CBFA2T3: variants seen among roughly 807,000 people sequenced by gnomAD.
CBFA2T3 encodes the protein CBFA2/RUNX1 partner transcriptional co-repressor 3.
Under a neutral mutation model 58.6 loss-of-function variants are expected in CBFA2T3, and 31 were observed. That is an observed-to-expected ratio of 0.53 (90% CI 0.40 to 0.71). The LOEUF is 0.71. Ranked by LOEUF, CBFA2T3 falls within the 30% of genes least tolerant of loss-of-function variation. CBFA2T3 has a pLI of 0.00. For missense variants in CBFA2T3, 1,076 were observed against 963.1 expected (o/e 1.12, Z -1.55); for synonymous variants, 531 against 421.9 (o/e 1.26, Z -3.17).
intron 1 of CBFA2T3, among the ~76,000 whole-genome samples, chr16:88,968,416 G>A (rs1972567401): frequency 6.6e-6 from 1 of 152,248 alleles, no homozygotes; most frequent in African/African-American, 2.4e-5. Context: ...AGGGGCCGCA[G>A]GACAAGCCTC....
intron 1 of CBFA2T3, among the ~76,000 whole-genome samples, chr16:88,926,518 G>A (rs1037976534): frequency 6.6e-6 from 1 of 152,184 alleles, no homozygotes; most frequent in African/African-American, 2.4e-5. Context: ...TCACCAGGCC[G>A]GAGTCTCAGG....
intron 1 of CBFA2T3, among the ~76,000 whole-genome samples, chr16:88,971,493 G>T (rs896502084): frequency 6.6e-6 from 1 of 151,890 alleles, no homozygotes; most frequent in Non-Finnish European, 1.5e-5. Flanking sequence ...GCAGAGCTGG[G>T]AGAGGAAGCC....
intron 1 of CBFA2T3, among the ~76,000 whole-genome samples, chr16:88,962,353 A>T (rs929658762): frequency 1.3e-5 from 2 of 152,336 alleles, no homozygotes; most frequent in East Asian, 3.9e-4. Flanking sequence ...ATGGATATTT[A>T]TTTTCCACAA....
At position 88,958,432 on chromosome 16, in the gene CBFA2T3, C is replaced by G. The variant is rs113576095; in HGVS notation, c.151+18225G>C. 9.0e-3 allele frequency among the ~76,000 whole-genome samples: 1,334 copies of G among 147,970 alleles called. 25 individuals are homozygous for G. Among genetic ancestry groups the G allele is most frequent in the African/African-American group, 0.032 (1,255 of 39,724 alleles). On this transcript the variant is annotated intron_variant, in intron 1 of 11. Transcript: ENST00000268679. This position sits in a 1 kb window ranked among gnomAD's most constrained non-coding sequence, Gnocchi z 4.0. ...TGGGGTGGGGGTGTTAGAGTAATGC[C>G]AGGCGGGGCGGCGGGGGAAGAAGGT...
chr16:88,901,020 G>A (rs1030712239), intron 2 of CBFA2T3, among the ~76,000 whole-genome samples: 5 of 152,260 alleles, frequency 3.3e-5, no homozygotes, highest in African/African-American at 1.2e-4. Context: ...GCCCCTCCAA[G>A]GCCAGAGCTG....
chr16:88,925,116 G>T (rs1426038940), intron 1 of CBFA2T3, among the ~76,000 whole-genome samples: 1 of 152,256 alleles, frequency 6.6e-6, no homozygotes, highest in African/African-American at 2.4e-5. Flanking sequence ...GCCTCGTCCT[G>T]GACACCGAGC....
chr16:88,947,901 G>A (rs564592429), intron 1 of CBFA2T3, among the ~76,000 whole-genome samples: 1 of 152,308 alleles, frequency 6.6e-6, no homozygotes, highest in East Asian at 1.9e-4. Context: ...GTGATGGAAC[G>A]AGACCCTGTC....
In CBFA2T3 at chr16:88,977,055, G is replaced by C. The variant is rs1972881834; in HGVS notation, c.-248C>G. ...GGGGCGGGCCTGGGGCTGCAGGCTGGGGAAGGTCTCCCTGCAGCCTGCGGG... is the reference window on the plus strand; with the variant it reads ...GGGGCGGGCCTGGGGCTGCAGGCTGCGGAAGGTCTCCCTGCAGCCTGCGGG... On this transcript the variant is annotated 5_prime_UTR_variant, in exon 1 of 12. Coordinates refer to ENST00000268679, the MANE Select transcript of CBFA2T3 (RefSeq NM_005187.6). The C allele has an allele frequency of 2.3e-6, 1 of 442,994 alleles. No homozygotes were observed. Among genetic ancestry groups the C allele is most frequent in the Non-Finnish European group, 4.1e-6 (1 of 244,362 alleles). 27.4% of individuals were successfully genotyped at this position (442,994 alleles called of 1,614,324 possible).
intron 1 of CBFA2T3, among the ~76,000 whole-genome samples, chr16:88,903,459 C>T (rs1472839990): frequency 6.6e-6 from 1 of 152,196 alleles, no homozygotes; most frequent in Non-Finnish European, 1.5e-5. Context: ...CCCCTCCGCA[C>T]AGCCGCTGAC....
chr16:88,952,502 GA>G (rs1454663202), intron 1 of CBFA2T3, among the ~76,000 whole-genome samples: 1 of 152,148 alleles, frequency 6.6e-6, no homozygotes, highest in African/African-American at 2.4e-5. Context: ...GGGGCACCGA[GA>G]CGGCTTTCAG....
intron 1 of CBFA2T3, among the ~76,000 whole-genome samples, chr16:88,903,045 T>G (rs1970161525): frequency 6.6e-6 from 1 of 152,216 alleles, no homozygotes; most frequent in African/African-American, 2.4e-5. Flanking sequence ...AGTTGGGGGC[T>G]GGTATCTGTC....
intron 9 of CBFA2T3, 150 bp downstream of exon 9, chr16:88,881,141 G>T: frequency 1.3e-6 from 1 of 791,492 alleles, no homozygotes; most frequent in Non-Finnish European, 2.1e-6. Context: ...AGACCAGCCC[G>T]TGTTTTCCTA....
chr16:88,936,571 G>C (rs1207627742), intron 1 of CBFA2T3, among the ~76,000 whole-genome samples: 3 of 152,188 alleles, frequency 2.0e-5, no homozygotes, highest in South Asian at 2.1e-4. Flanking sequence ...GCCCAGACCC[G>C]ACGGGGCAGA....
At chr16:88,926,901 G>A (rs757246460) in intron 1 of CBFA2T3, among the ~76,000 whole-genome samples, 9 of 152,176 alleles carry the variant, frequency 5.9e-5, no homozygotes, top group East Asian at 1.9e-4. Context: ...AGCCCCGTCC[G>A]GCCCCCGCTG....
chr16:88,938,830 G>A lies in CBFA2T3; in HGVS notation c.152-37174C>T, dbSNP rs534983381. 2.0e-5 allele frequency: 3 copies of A among 152,394 alleles called. No individual in the cohort carries two copies. In the East Asian group the frequency reaches 5.8e-4, roughly 29 times the overall value. 9.4% of individuals were successfully genotyped at this position (152,394 alleles called of 1,614,324 possible). ...TTCCACCCTGGCACTGTGGGAGGCT[G>A]AGGATGAATCAGAAAACCCCAAAGT... On this transcript the variant is annotated intron_variant, in intron 1 of 11. Coordinates refer to ENST00000268679, the MANE Select transcript of CBFA2T3 (RefSeq NM_005187.6).
At position 88,950,353 on chromosome 16, in the gene CBFA2T3, C is replaced by T. The variant is rs567609480; in HGVS notation, c.151+26304G>A. The T allele has an allele frequency of 3.3e-4, 137 of 418,794 alleles. 9 individuals are homozygous for T. Among genetic ancestry groups the T allele is most frequent in the South Asian group, 2.0e-3 (124 of 60,998 alleles). The allele number at this position is 418,794 out of a possible 1,614,324, so 25.9% of individuals were successfully genotyped here. On this transcript the variant is annotated intron_variant, in intron 1 of 11. Transcript: ENST00000268679. The stretch of plus-strand genomic sequence containing the variant: ...GTTCACCCGTCCCCTGGACCGGCAC[C>T]GCCACAGAGGGTCAGAGTGTTGGCA...
intron 3 of CBFA2T3, among the ~76,000 whole-genome samples, chr16:88,892,718 G>C (rs1318107816): frequency 6.6e-6 from 1 of 152,182 alleles, no homozygotes; most frequent in African/African-American, 2.4e-5. Context: ...CCTGCTCTGA[G>C]AGGTCACACA....
rs74033224 is a variant in CBFA2T3 at position 88,966,757 on chromosome 16, G to A, written c.151+9900C>T. The stretch of plus-strand genomic sequence containing the variant: ...AGCTGGGTGGGTTGGGGTGGGGGGC[G>A]TCTCCAGTGACTCCCGTGCCCTGGC... On this transcript the variant is annotated intron_variant, in intron 1 of 11. Coordinates refer to ENST00000268679, the MANE Select transcript of CBFA2T3 (RefSeq NM_005187.6). Among the ~76,000 whole-genome samples, 631 of 152,268 alleles carry A rather than the reference G, an allele frequency of 4.1e-3. 7 individuals carry two copies. The highest frequency in any genetic ancestry group is 0.014 in the African/African-American group (585 of 41,548).
intron 5 of CBFA2T3, among the ~76,000 whole-genome samples, chr16:88,891,136 A>G (rs1445664601): frequency 6.6e-6 from 1 of 151,930 alleles, no homozygotes; most frequent in African/African-American, 2.4e-5. Context: ...CTGCGCAGCC[A>G]CAGAAGCCCC....
Sources: gnomAD v4.1 joint callset for allele counts (sites outside exome capture counted in the v4.1 genomes callset) on GRCh38, gnomAD v4.1.1 for gene constraint, Gnocchi (gnomAD v3.1) non-coding constraint, MANE v1.5 for transcripts, NCBI Gene and HGNC (gene_info 2026-07-23, HGNC 2026-07-21) for gene names.